The following ATG2A variants were observed in gnomAD, a reference collection of about 807,000 sequenced individuals.
The protein encoded by ATG2A is autophagy-related protein 2 homolog A.
ATG2A carries 103 observed loss-of-function variants against 214.2 expected under a neutral mutation model. That is an observed-to-expected ratio of 0.48 (90% CI 0.41 to 0.57). The LOEUF (loss-of-function observed/expected upper bound fraction) is 0.57, where lower values mean the gene tolerates loss of function less well. Among genes scored for constraint, ATG2A ranks in the 20% least tolerant of loss-of-function variants. The probability of loss-of-function intolerance (pLI) is 0.00; values close to 1 mark genes in which losing one functional copy is unlikely to be tolerated. For synonymous variants in ATG2A, 1,160 were observed against 1,142.1 expected (o/e 1.02, Z -0.32); for missense variants, 2,312 against 2,613.2 (o/e 0.88, Z 2.51).
chr11:64,909,324 A>G lies in ATG2A; in HGVS notation c.2151T>C (p.Arg717=), dbSNP rs1375413787. The G allele has an allele frequency of 2.5e-6, 4 of 1,613,532 alleles. No individual in the cohort carries two copies. Among genetic ancestry groups the G allele is most frequent in the Admixed American group, 1.7e-5 (1 of 59,994 alleles). Residue 717 remains arginine, a synonymous_variant, in exon 15 of 41, where the codon CGT becomes CGC. Coordinates refer to ENST00000377264, the MANE Select transcript of ATG2A (RefSeq NM_015104.3). ...TCTTGGGGTCCAGGGCTTTGGAGAC[A>G]CGCAGGCAAGGGACAGGTGGCTTCC... The part of the protein sequence containing the change: ...DGGKPPVPCL[R]VSKALDPKST...
At chr11:64,899,673 C>G (rs1325748422) in intron 31 of ATG2A, among the ~76,000 whole-genome samples, 1 of 152,138 alleles carries the variant, frequency 6.6e-6, no homozygotes, top group African/African-American at 2.4e-5. Context: ...GGCCAGCCCC[C>G]ATCTAGGCTC....
In ATG2A at chr11:64,908,984, G is replaced by A. The variant is rs1944659673; in HGVS notation, c.2364+7C>T. ...GGGTCCTGGGAAGAGGTGGGGCCAA[G>A]TCTCACCTCCTCTGTCTCATACATG... On this transcript the variant is annotated splice_region_variant and intron_variant, in intron 16 of 40. Transcript: ENST00000377264. The A allele has an allele frequency of 1.3e-6, 2 of 1,566,344 alleles. No homozygotes were observed. The highest frequency in any genetic ancestry group is 1.9e-5 in the Admixed American group (1 of 52,736).
chr11:64,909,175 G>A (rs1206476505), intron 15 of ATG2A, 25 bp from the exon 16 acceptor site: 3 of 1,605,176 alleles, frequency 1.9e-6, no homozygotes, highest in Non-Finnish European at 2.6e-6. Context: ...GCCTGTTACT[G>A]GCCTGCAGGG....
At chr11:64,910,995 G>C in intron 10 of ATG2A, 41 bp from the exon 11 acceptor site, 4 of 1,613,590 alleles carry the variant, frequency 2.5e-6, no homozygotes, top group Non-Finnish European at 3.4e-6. Flanking sequence ...GCACTTAGGG[G>C]GCTCTGATGG....
Position 64,913,552 on chromosome 11 carries a change from A to G in ATG2A, c.591-151T>C. The G allele has an allele frequency of 9.0e-7, 1 of 1,108,680 alleles. No homozygotes were observed. The highest frequency in any genetic ancestry group is 1.2e-6 in the Non-Finnish European group (1 of 800,550). 68.7% of individuals were successfully genotyped at this position (1,108,680 alleles called of 1,614,324 possible). A position where few individuals can be genotyped will look rare whatever the true frequency, so the allele number is the denominator to read the frequency against. ...TAGGCCGTCCTGAACCACCATGTCCAGCCCGGAGGCTCAGGCCAGCCCTTG... is the reference window on the plus strand; with the variant it reads ...TAGGCCGTCCTGAACCACCATGTCCGGCCCGGAGGCTCAGGCCAGCCCTTG... On this transcript the variant is annotated intron_variant, in intron 4 of 40. Coordinates refer to ENST00000377264, the MANE Select transcript of ATG2A (RefSeq NM_015104.3). The surrounding 1 kb of genome is among the most constrained non-coding windows in gnomAD (Gnocchi z 4.3).
In ATG2A at chr11:64,907,859, C is replaced by T. The variant is rs758745444; in HGVS notation, c.2396G>A (p.Arg799Lys). The change falls in exon 17 of 41, where the codon AGG (arginine) becomes AAG (lysine). Residue 799 changes from arginine to lysine, a missense_variant. Transcript: ENST00000377264. ...MVIPGDPEEMRTFQSRTLALS... is the reference protein window; with the variant it reads ...MVIPGDPEEMKTFQSRTLALS... ...TGCCAGGGTCCGGCTCTGGAACGTCCTCATCTCCTCAGGGTCTCCAGGGAT... is the reference window on the plus strand; with the variant it reads ...TGCCAGGGTCCGGCTCTGGAACGTCTTCATCTCCTCAGGGTCTCCAGGGAT... 1 of 1,612,960 alleles carries T rather than the reference C, an allele frequency of 6.2e-7. No homozygotes were observed. Among genetic ancestry groups the T allele is most frequent in the African/African-American group, 1.3e-5 (1 of 75,060 alleles).
chr11:64,896,269 G>C (rs1944146062), intron 39 of ATG2A, among the ~76,000 whole-genome samples, 193 bp downstream of exon 39: 1 of 152,212 alleles, frequency 6.6e-6, no homozygotes, highest in Admixed American at 6.5e-5. Context: ...GAGCCCCTGT[G>C]GGCCTCGGGA....
chr11:64,896,263 C>T (rs1425819210), intron 39 of ATG2A, among the ~76,000 whole-genome samples, 199 bp downstream of exon 39: 1 of 152,234 alleles, frequency 6.6e-6, no homozygotes, highest in Non-Finnish European at 1.5e-5. Context: ...GCATGGGAGC[C>T]CCTGTGGGCC....
chr11:64,902,217 G>GT, intron 28 of ATG2A, 41 bp from the exon 29 acceptor site: 1 of 1,612,904 alleles, frequency 6.2e-7, no homozygotes, highest in East Asian at 2.2e-5. Context: ...CCCACAGTGG[G>GT]TGCCTGACTG....
rs571165068 is a variant in ATG2A at position 64,913,450 on chromosome 11, C to T, written c.591-49G>A. 13 of 1,506,472 alleles carry T rather than the reference C, an allele frequency of 8.6e-6. No homozygotes were observed. In the South Asian group the frequency reaches 1.6e-4, roughly 18 times the overall value. 93.3% of individuals were successfully genotyped at this position (1,506,472 alleles called of 1,614,324 possible). Reference sequence around the variant, plus strand: ...TGCCCTGGCCACCCCAGGCCTGGAGCCCCTCTCTCCACACAGTGCTCTGCT... The same window carrying T: ...TGCCCTGGCCACCCCAGGCCTGGAGTCCCTCTCTCCACACAGTGCTCTGCT... On this transcript the variant is annotated intron_variant, in intron 4 of 40. Transcript: ENST00000377264. This position sits in a 1 kb window ranked among gnomAD's most constrained non-coding sequence, Gnocchi z 4.3.
At chr11:64,916,152 G>A (rs1944974971) in intron 1 of ATG2A, among the ~76,000 whole-genome samples, 1 of 152,190 alleles carries the variant, frequency 6.6e-6, no homozygotes, top group African/African-American at 2.4e-5. Flanking sequence ...TGAGCTGTGA[G>A]TCAGGGCTCC....
Position 64,913,486 on chromosome 11 carries a change from G to C in ATG2A, c.591-85C>G. The C allele has an allele frequency of 6.9e-7, 1 of 1,439,310 alleles. No homozygotes were observed. The highest frequency in any genetic ancestry group is 1.4e-5 in the African/African-American group (1 of 70,294). 89.2% of individuals were successfully genotyped at this position (1,439,310 alleles called of 1,614,324 possible). ...ACACAGTGCTCTGCTCTAGGGGCAC[G>C]GGGTCAGGGAGCCTAGCCTGCAGAG... On this transcript the variant is annotated intron_variant, in intron 4 of 40. Transcript: ENST00000377264. This position sits in a 1 kb window ranked among gnomAD's most constrained non-coding sequence, Gnocchi z 4.3.
rs1944124149 is a variant in ATG2A, at chr11:64,895,613, C to T, written c.5428-171G>A. Among the ~76,000 whole-genome samples, 1 of 152,140 alleles carries T rather than the reference C, an allele frequency of 6.6e-6. No homozygotes were observed. The highest frequency in any genetic ancestry group is 2.4e-5 in the African/African-American group (1 of 41,434). ...CCCACTTCCTCCCACTCTTCCTCCC[C>T]TTCCTAGGCACCTGCCACTCTGCTG... is the stretch of plus-strand genomic sequence containing the variant. On this transcript the variant is annotated intron_variant, in intron 39 of 40. Coordinates refer to ENST00000377264, the MANE Select transcript of ATG2A (RefSeq NM_015104.3). This position sits in a 1 kb window ranked among gnomAD's most constrained non-coding sequence, Gnocchi z 5.0.
chr11:64,912,301 A>AC, intron 7 of ATG2A, 26 bp downstream of exon 7: 1 of 927,548 alleles, frequency 1.1e-6, no homozygotes, highest in Non-Finnish European at 1.6e-6. Context: ...CAGCCACCCC[A>AC]CCCCCATGCC....
chr11:64,897,015 G>A (rs1179433754), intron 37 of ATG2A, 146 bp from the exon 38 acceptor site: 3 of 1,162,634 alleles, frequency 2.6e-6, no homozygotes, highest in African/African-American at 1.6e-5. Context: ...TGTGCAGAGG[G>A]ACTGTGTCCT....
chr11:64,894,853 G>A lies in ATG2A; in HGVS notation c.*120C>T, dbSNP rs567755503. ...AGATTGGCAACGGGCAGGCTGGGAA[G>A]GCGTCCTTCACAGTGGCCATCCCCT... On this transcript the variant is annotated 3_prime_UTR_variant, in exon 41 of 41. Transcript: ENST00000377264. 1 of 1,201,742 alleles carries A rather than the reference G, an allele frequency of 8.3e-7. No individual in the cohort carries two copies. Among genetic ancestry groups the A allele is most frequent in the East Asian group, 2.3e-5 (1 of 43,058 alleles). The allele number at this position is 1,201,742 out of a possible 1,614,324, so 74.4% of individuals were successfully genotyped here.
rs1328823813 is a variant in ATG2A, at chr11:64,898,218, C to T, written c.4773+43G>A. ...TGGATCAGACTCAGAGGCCTGGAGA[C>T]AGTGGGGTCACCCTAGGCTCTGCCC... is the stretch of plus-strand genomic sequence containing the variant. On this transcript the variant is annotated intron_variant, in intron 33 of 40. Coordinates refer to ENST00000377264, the MANE Select transcript of ATG2A (RefSeq NM_015104.3). This position sits in a 1 kb window ranked among gnomAD's most constrained non-coding sequence, Gnocchi z 4.5. The T allele has an allele frequency of 6.2e-7, 1 of 1,613,610 alleles. No individual in the cohort carries two copies. Among genetic ancestry groups the T allele is most frequent in the Non-Finnish European group, 8.5e-7 (1 of 1,179,658 alleles).
In ATG2A at chr11:64,913,223, A is replaced by C. The variant is rs1226909057; in HGVS notation, c.726+43T>G. The stretch of plus-strand genomic sequence containing the variant: ...AGGATGGGAGGGGCTCAATGGGCTC[A>C]AGGGAGAGGAGACAGGGGCTGTGGG... On this transcript the variant is annotated intron_variant, in intron 5 of 40. Transcript: ENST00000377264. This position sits in a 1 kb window ranked among gnomAD's most constrained non-coding sequence, Gnocchi z 4.3. 6.2e-7 allele frequency: 1 copy of C among 1,612,168 alleles called. No individual in the cohort carries two copies. Among genetic ancestry groups the C allele is most frequent in the Non-Finnish European group, 8.5e-7 (1 of 1,179,716 alleles).
In ATG2A at chr11:64,895,298, C is replaced by T. The variant is rs759096270; in HGVS notation, c.5572G>A (p.Val1858Met). Residue 1858 changes from valine to methionine, a missense_variant, in exon 40 of 41, where the codon GTG becomes ATG. Val to Met is a conservative substitution (Grantham distance 21). Coordinates refer to ENST00000377264, the MANE Select transcript of ATG2A (RefSeq NM_015104.3). This position sits in a 1 kb window ranked among gnomAD's most constrained non-coding sequence, Gnocchi z 5.0. ...GGCGGGGGCCTGGTCACCTCTCGCA[C>T]TGTGTCGTAGGCCTTGGCCACACCC... ...REGVAKAYDT[V>M]REGILDTAQT... The T allele has an allele frequency of 6.2e-7, 1 of 1,613,422 alleles. No individual in the cohort carries two copies. The highest frequency in any genetic ancestry group is 8.5e-7 in the Non-Finnish European group (1 of 1,179,896).
Sources: gnomAD v4.1 joint callset for allele counts (sites outside exome capture counted in the v4.1 genomes callset) on GRCh38, gnomAD v4.1.1 for gene constraint, Gnocchi (gnomAD v3.1) non-coding constraint, MANE v1.5 for transcripts, NCBI Gene and HGNC (gene_info 2026-07-23, HGNC 2026-07-21) for gene names.